The following ROCK1 variants were observed in gnomAD, a reference collection of about 807,000 sequenced individuals.
The protein encoded by ROCK1 is Rho associated coiled-coil containing protein kinase 1.
ROCK1 carries 36 observed loss-of-function variants against 196.8 expected under a neutral mutation model. The ratio of observed to expected loss-of-function variants is 0.18; its 90% CI spans 0.14 to 0.24. The LOEUF (loss-of-function observed/expected upper bound fraction) is 0.24. ROCK1 is among the 10% of genes least tolerant of loss of function. The pLI is 1.00. For synonymous variants in ROCK1, 443 were observed against 515.9 expected, an observed-to-expected ratio of 0.86 and a Z score of 1.91; for missense variants, 920 against 1,562.0, an observed-to-expected ratio of 0.59 and a Z score of 6.93.
Position 21,020,248 on chromosome 18 carries a change from T to TAAAACA in ROCK1, c.1273-15_1273-10dup, listed in dbSNP as rs752327841. ...TTTTGCAAACTTTCCTGCTTTAATT[T>TAAAACA]AAAACAAAAACAAAAACTCATTCTA... On this transcript the variant is annotated splice_polypyrimidine_tract_variant and intron_variant, in intron 11 of 32. Transcript: ENST00000399799. 1.3e-6 allele frequency: 2 copies of TAAAACA among 1,521,712 alleles called. No homozygotes were observed. Among genetic ancestry groups the TAAAACA allele is most frequent in the African/African-American group, 2.8e-5 (2 of 71,262 alleles). 94.3% of individuals were successfully genotyped at this position (1,521,712 alleles called of 1,614,324 possible). A position where few individuals can be genotyped will look rare whatever the true frequency, so the allele number is the denominator to read the frequency against.
At chr18:20,989,455 A>C (rs965945300) in intron 18 of ROCK1, among the ~76,000 whole-genome samples, 1 of 152,238 alleles carries the variant, frequency 6.6e-6, no homozygotes, top group African/African-American at 2.4e-5. Flanking sequence ...GTAGTAGGTT[A>C]AGAATAAGCA....
chr18:21,043,961 A>G, intron 6 of ROCK1, 141 bp downstream of exon 6: 1 of 578,100 alleles, frequency 1.7e-6, no homozygotes, highest in Non-Finnish European at 3.1e-6. Flanking sequence ...TAGTTCAACA[A>G]ATAAGGTCAT....
rs2035140994 is a variant in ROCK1, at chr18:20,947,576, C to A, written c.*3808G>T. 6.6e-6 allele frequency: 1 copy of A among 151,992 alleles called. No individual in the cohort carries two copies. Among genetic ancestry groups the A allele is most frequent in the Non-Finnish European group, 1.5e-5 (1 of 68,024 alleles). 9.4% of individuals were successfully genotyped at this position (151,992 alleles called of 1,614,324 possible). A position where few individuals can be genotyped will look rare whatever the true frequency, so the allele number is the denominator to read the frequency against. On this transcript the variant is annotated 3_prime_UTR_variant, in exon 33 of 33. Transcript: ENST00000399799. ...GTCAGGCCAGGCACGGTGGCCTACACCTGTAATGAGAGAGTAAAACTGCTT... is the reference window on the plus strand; with the variant it reads ...GTCAGGCCAGGCACGGTGGCCTACAACTGTAATGAGAGAGTAAAACTGCTT...
At chr18:21,058,483 A>C (rs992456762) in intron 2 of ROCK1, among the ~76,000 whole-genome samples, 3 of 152,222 alleles carry the variant, frequency 2.0e-5, no homozygotes, top group African/African-American at 7.2e-5. Flanking sequence ...CTGCCTAAAA[A>C]AGCCCAGTAT....
At chr18:20,999,218 T>A (rs759548858) in intron 16 of ROCK1, among the ~76,000 whole-genome samples, 12 of 151,918 alleles carry the variant, frequency 7.9e-5, no homozygotes, top group Non-Finnish European at 1.6e-4. Context: ...CTAATTTAAA[T>A]ATGTTAAAAT....
chr18:21,081,465 G>C (rs531144647), intron 1 of ROCK1, among the ~76,000 whole-genome samples: 2 of 151,992 alleles, frequency 1.3e-5, no homozygotes, highest in Admixed American at 1.3e-4. Flanking sequence ...TAAGGAACTA[G>C]AAAAAGAAAA....
At position 21,027,870 on chromosome 18, in the gene ROCK1, T is replaced by C. The variant is rs1431271436; in HGVS notation, c.1211+906A>G. ...TCCGCCTCCCGGGTTCACGCCATTC[T>C]CCTGCCTCAGCCTCCCGAGTAGCTG... On this transcript the variant is annotated intron_variant, in intron 10 of 32. Transcript: ENST00000399799. 2.8e-5 allele frequency among the ~76,000 whole-genome samples: 4 copies of C among 140,506 alleles called. No individual in the cohort carries two copies. In the Admixed American group the frequency reaches 2.9e-4, roughly 10 times the overall value. The allele number at this position is 140,506 out of a possible 152,430, so 92.2% of individuals were successfully genotyped here.
intron 22 of ROCK1, 31 bp from the exon 23 acceptor site, chr18:20,970,544 A>G (rs2035416228): frequency 6.7e-7 from 1 of 1,499,074 alleles, no homozygotes. Context: ...AAACTGATGT[A>G]AACAAATTCA....
At position 21,049,075 on chromosome 18, in the gene ROCK1, G is replaced by C. The variant is rs773564946; in HGVS notation, c.414+17C>G. The C allele has an allele frequency of 6.4e-7, 1 of 1,559,998 alleles. No individual in the cohort carries two copies. Among genetic ancestry groups the C allele is most frequent in the East Asian group, 2.3e-5 (1 of 43,432 alleles). On this transcript the variant is annotated intron_variant, in intron 4 of 32. Coordinates refer to ENST00000399799, the MANE Select transcript of ROCK1 (RefSeq NM_005406.3). ...ACAAACTAATGCAGCAATAATGAAA[G>C]AGTAGCAAAGTCATACCTGAACAAC... is the stretch of plus-strand genomic sequence containing the variant.
At chr18:21,071,728 A>G (rs2143552755) in intron 1 of ROCK1, among the ~76,000 whole-genome samples, 1 of 152,300 alleles carries the variant, frequency 6.6e-6, no homozygotes, top group Middle Eastern at 3.4e-3. Flanking sequence ...TAATAATGTA[A>G]TCAGTTCCAG....
intron 16 of ROCK1, among the ~76,000 whole-genome samples, chr18:20,999,714 G>GT (rs1055474719): frequency 5.3e-5 from 8 of 151,952 alleles, no homozygotes; most frequent in East Asian, 1.9e-4. Flanking sequence ...ATTAGTTTTG[G>GT]TTTTTTTTGA....
chr18:21,094,719 A>G (rs906238326), intron 1 of ROCK1, among the ~76,000 whole-genome samples: 2 of 149,074 alleles, frequency 1.3e-5, no homozygotes, highest in African/African-American at 5.0e-5. Context: ...ACTGAACTCC[A>G]GCCTGGGCAA....
At chr18:21,048,981 T>C (rs2036182921) in intron 4 of ROCK1, 111 bp downstream of exon 4, 1 of 922,626 alleles carries the variant, frequency 1.1e-6, no homozygotes, top group Non-Finnish European at 1.5e-6. Flanking sequence ...TTAGACAATT[T>C]TGTAACTGCC....
rs8083580 is a variant in ROCK1, at chr18:21,013,720, T to C, written c.1410+1711A>G. 3.4e-3 allele frequency among the ~76,000 whole-genome samples: 518 copies of C among 152,216 alleles called. 2 individuals carry two copies. The highest frequency in any genetic ancestry group is 0.012 in the African/African-American group (500 of 41,538). On this transcript the variant is annotated intron_variant, in intron 13 of 32. Coordinates refer to ENST00000399799, the MANE Select transcript of ROCK1 (RefSeq NM_005406.3). ...TTGGAAGTTGGGGTGTGCTACAGCA[T>C]AGTGGAGATGGAAGTCTAGACTTCC... is the stretch of plus-strand genomic sequence containing the variant.
At chr18:21,044,865 T>C (rs1229755538) in intron 5 of ROCK1, among the ~76,000 whole-genome samples, 2 of 152,070 alleles carry the variant, frequency 1.3e-5, no homozygotes, top group Non-Finnish European at 2.9e-5. Flanking sequence ...GGAGTTCTTT[T>C]TTTCCCCCCT....
intron 20 of ROCK1, among the ~76,000 whole-genome samples, chr18:20,983,577 C>T (rs1446911825): frequency 6.6e-6 from 1 of 151,964 alleles, no homozygotes; most frequent in Admixed American, 6.6e-5. Flanking sequence ...ACAGTAATAG[C>T]TTTGTATTCT....
intron 22 of ROCK1, among the ~76,000 whole-genome samples, chr18:20,974,876 C>A (rs1296120920): frequency 6.6e-6 from 1 of 152,178 alleles, no homozygotes; most frequent in Non-Finnish European, 1.5e-5. Context: ...TAAATATGCT[C>A]AAGTTTACAC....
At chr18:20,971,516 A>C (rs1479893709) in intron 22 of ROCK1, among the ~76,000 whole-genome samples, 1 of 151,844 alleles carries the variant, frequency 6.6e-6, no homozygotes, top group African/African-American at 2.4e-5. Flanking sequence ...AGGCGGGCAG[A>C]TCATGAGGTC....
rs764084144 is a variant in ROCK1 at position 20,967,094 on chromosome 18, C to G, written c.3193-18G>C. ...ACCAATTGCTAATTTTGAAAAGTAT[C>G]AAGATAATATAATCAAGCTAAAACA... On this transcript the variant is annotated intron_variant, in intron 26 of 32. Transcript: ENST00000399799. The G allele has an allele frequency of 3.2e-6, 5 of 1,558,048 alleles. No homozygotes were observed. The South Asian group carries it at 5.7e-5, about 18-fold the overall frequency.
Sources: allele counts gnomAD v4.1 joint callset (sites outside exome capture counted in the v4.1 genomes callset), GRCh38; gene constraint gnomAD v4.1.1; transcripts MANE v1.5; gene names NCBI Gene and HGNC (gene_info 2026-07-23, HGNC 2026-07-21).